KCNIP4: variants seen among roughly 807,000 people sequenced by gnomAD.
KCNIP4 encodes the protein Kv channel-interacting protein 4.
Under a neutral mutation model 34.0 loss-of-function variants are expected in KCNIP4, and 12 were observed. That is an observed-to-expected ratio of 0.35 (90% CI 0.23 to 0.57). The LOEUF (loss-of-function observed/expected upper bound fraction) is 0.57, where lower values mean the gene tolerates loss of function less well. KCNIP4 is among the 20% of genes least tolerant of loss of function. The pLI, the probability that KCNIP4 is intolerant of heterozygous loss-of-function variation, is 0.83. For missense variants in KCNIP4, 238 were observed against 311.7 expected, an observed-to-expected ratio of 0.76 and a Z score of 1.78; for synonymous variants, 124 against 102.2, an observed-to-expected ratio of 1.21 and a Z score of -1.29.
At chr4:21,044,993 G>A (rs189385081) in intron 1 of KCNIP4, among the ~76,000 whole-genome samples, 1 of 152,212 alleles carries the variant, frequency 6.6e-6, no homozygotes, top group South Asian at 2.1e-4. Context: ...ATATGGAAGA[G>A]ACAAGTGAAG....
chr4:21,343,615 C>A (rs1193712170), intron 1 of KCNIP4, among the ~76,000 whole-genome samples: 1 of 152,114 alleles, frequency 6.6e-6, no homozygotes, highest in Non-Finnish European at 1.5e-5. Flanking sequence ...GAGCCCAGGG[C>A]ATTTCCCTAG....
intron 1 of KCNIP4, among the ~76,000 whole-genome samples, chr4:21,530,382 T>A (rs918947825): frequency 6.6e-6 from 1 of 152,194 alleles, no homozygotes; most frequent in Non-Finnish European, 1.5e-5. Flanking sequence ...TTATTTACAA[T>A]TCAGTTTGGT....
intron 1 of KCNIP4, among the ~76,000 whole-genome samples, chr4:21,663,788 A>T (rs987106330): frequency 6.6e-6 from 1 of 152,214 alleles, no homozygotes; most frequent in Non-Finnish European, 1.5e-5. Context: ...TCCCCATGCT[A>T]GATCCTTATA....
chr4:21,882,374 CAGAA>C (rs944192339), intron 1 of KCNIP4, among the ~76,000 whole-genome samples: 3 of 152,038 alleles, frequency 2.0e-5, no homozygotes, highest in African/African-American at 7.2e-5. Flanking sequence ...CTAAAGAAGA[CAGAA>C]AGAAGCAGAA....
chr4:20,916,283 T>C, intron 1 of KCNIP4: 1 of 982,878 alleles, frequency 1.0e-6, no homozygotes, highest in Non-Finnish European at 1.2e-6. Flanking sequence ...CCACATTTCC[T>C]GCCCACGTAA....
intron 1 of KCNIP4, among the ~76,000 whole-genome samples, chr4:21,586,491 C>T (rs1054434647): frequency 6.6e-6 from 1 of 151,950 alleles, no homozygotes; most frequent in East Asian, 1.9e-4. Context: ...GTGGGAGCAG[C>T]AGTGAGATCC....
chr4:20,949,236 T>A, intron 1 of KCNIP4, among the ~76,000 whole-genome samples: 1 of 152,262 alleles, frequency 6.6e-6, no homozygotes, highest in East Asian at 1.9e-4. Flanking sequence ...CACAATGTTT[T>A]CTGTAGCATC....
chr4:21,801,385 G>T (rs999126561), intron 1 of KCNIP4, among the ~76,000 whole-genome samples: 2 of 152,094 alleles, frequency 1.3e-5, no homozygotes, highest in African/African-American at 4.8e-5. Flanking sequence ...GAGTGGCTTT[G>T]TTCCTGGCAA....
At chr4:21,192,948 ACTAC>A (rs1560797562) in intron 1 of KCNIP4, among the ~76,000 whole-genome samples, 28 of 146,186 alleles carry the variant, frequency 1.9e-4, no homozygotes, top group African/African-American at 6.1e-4. Context: ...TACTACTACT[ACTAC>A]TAATAATAAT....
intron 1 of KCNIP4, among the ~76,000 whole-genome samples, chr4:20,891,074 T>C (rs1038185233): frequency 2.0e-5 from 3 of 152,208 alleles, no homozygotes; most frequent in African/African-American, 7.2e-5. Context: ...ATGAGAACTA[T>C]TCTTATCTTC....
At chr4:20,843,644 C>T (rs1226560496) in intron 3 of KCNIP4, among the ~76,000 whole-genome samples, 1 of 152,144 alleles carries the variant, frequency 6.6e-6, no homozygotes, top group African/African-American at 2.4e-5. Context: ...GCAGAAGAGT[C>T]CCTTGAACCC....
chr4:21,132,772 G>A (rs571126432), intron 1 of KCNIP4, among the ~76,000 whole-genome samples: 110 of 151,066 alleles, frequency 7.3e-4, no homozygotes, highest in African/African-American at 2.4e-3. Context: ...ACTTTGGGAC[G>A]CTAAGGCAGG....
intron 1 of KCNIP4, among the ~76,000 whole-genome samples, chr4:21,051,429 C>T (rs1420123963): frequency 6.6e-6 from 1 of 152,100 alleles, no homozygotes; most frequent in Non-Finnish European, 1.5e-5. Flanking sequence ...TAATAAAAAG[C>T]AGTAATTAAT....
At chr4:20,849,671 C>T (rs1020064165) in intron 3 of KCNIP4, among the ~76,000 whole-genome samples, 3 of 152,146 alleles carry the variant, frequency 2.0e-5, no homozygotes, top group Admixed American at 1.3e-4. Flanking sequence ...TTTGGATCTC[C>T]AGGGGTGCCT....
chr4:21,667,796 C>G (rs1045538111), intron 1 of KCNIP4, among the ~76,000 whole-genome samples: 1 of 152,104 alleles, frequency 6.6e-6, no homozygotes, highest in African/African-American at 2.4e-5. Context: ...TATTGAATGC[C>G]ACTGAATCAC....
At chr4:20,733,179 C>G (rs78004989) in intron 6 of KCNIP4, among the ~76,000 whole-genome samples, 1 of 151,992 alleles carries the variant, frequency 6.6e-6, no homozygotes, top group Non-Finnish European at 1.5e-5. Context: ...TACGGCACAT[C>G]GTATATTGAG....
intron 1 of KCNIP4, among the ~76,000 whole-genome samples, chr4:21,122,041 T>G (rs1189622983): frequency 1.3e-5 from 2 of 152,230 alleles, no homozygotes; most frequent in Non-Finnish European, 2.9e-5. Context: ...AGTTCATTTT[T>G]GGGGACAAAG....
chr4:21,484,064 G>T (rs1389224774), intron 1 of KCNIP4, among the ~76,000 whole-genome samples: 1 of 151,984 alleles, frequency 6.6e-6, no homozygotes, highest in South Asian at 2.1e-4. Context: ...CGTGATAATG[G>T]ACTAATAAAT....
intron 1 of KCNIP4, among the ~76,000 whole-genome samples, chr4:21,857,348 G>A (rs534570699): frequency 6.6e-6 from 1 of 152,216 alleles, no homozygotes; most frequent in East Asian, 1.9e-4. Flanking sequence ...GTGGAAAGGA[G>A]CTATGCATGC....
Sources: allele counts gnomAD v4.1 joint callset (sites outside exome capture counted in the v4.1 genomes callset), GRCh38; gene constraint gnomAD v4.1.1; transcripts MANE v1.5; gene names NCBI Gene and HGNC (gene_info 2026-07-23, HGNC 2026-07-21).